Variants in OR1J2 observed in about 807,000 individuals in gnomAD.
OR1J2 encodes olfactory receptor family 1 subfamily J member 2.
For missense variants in OR1J2, 304 were observed against 246.1 expected, an observed-to-expected ratio of 1.24 and a Z score of -1.57; for synonymous variants, 142 against 99.7, an observed-to-expected ratio of 1.42 and a Z score of -2.52.
chr9:122,532,890 G>A, the OR1J2 span, among the ~76,000 whole-genome samples: 3 of 152,170 alleles, frequency 2.0e-5, no homozygotes, highest in Middle Eastern at 3.4e-3. Flanking sequence ...GAGATTAGTC[G>A]GACACGATCA....
chr9:122,496,093 A>G, the OR1J2 span, among the ~76,000 whole-genome samples: 1 of 152,186 alleles, frequency 6.6e-6, no homozygotes, highest in African/African-American at 2.4e-5. Flanking sequence ...AGGTAGTAGC[A>G]GGGAATGAAG....
the OR1J2 span, chr9:122,568,038 GC>G: frequency 6.2e-7 from 1 of 1,614,020 alleles, no homozygotes; most frequent in Non-Finnish European, 8.5e-7. Context: ...GCAGGAGAAG[GC>G]CACCAGCAGG....
chr9:122,520,768 C>G, the OR1J2 span, among the ~76,000 whole-genome samples: 1 of 152,320 alleles, frequency 6.6e-6, no homozygotes, highest in African/African-American at 2.4e-5. Flanking sequence ...AAATTTGATC[C>G]TTTTCCCATT....
chr9:122,451,412 C>G, the OR1J2 span, among the ~76,000 whole-genome samples: 23 of 151,952 alleles, frequency 1.5e-4, no homozygotes, highest in African/African-American at 5.6e-4. Context: ...CTCCAATTCC[C>G]AACCTCAGGT....
the OR1J2 span, among the ~76,000 whole-genome samples, chr9:122,562,481 G>A: frequency 6.6e-6 from 1 of 152,204 alleles, no homozygotes; most frequent in East Asian, 1.9e-4. Flanking sequence ...CTGATCTGTG[G>A]GTTGCACAGT....
At chr9:122,495,479 G>A in the OR1J2 span, among the ~76,000 whole-genome samples, 2 of 151,860 alleles carry the variant, frequency 1.3e-5, no homozygotes, top group South Asian at 4.1e-4. Context: ...TGATTCTATT[G>A]TTGAGACTTT....
the OR1J2 span, among the ~76,000 whole-genome samples, chr9:122,574,838 A>C: frequency 6.6e-5 from 10 of 152,018 alleles, no homozygotes; most frequent in African/African-American, 2.4e-4. Flanking sequence ...TTTTGGGGGT[A>C]GTTTTTTCTT....
At chr9:122,515,138 C>T (rs981723404), downstream of OR1J2, among the ~76,000 whole-genome samples, 9 of 152,260 alleles carry the variant, frequency 5.9e-5, no homozygotes, top group African/African-American at 2.2e-4. Flanking sequence ...AGACTTGTTA[C>T]CTCTCCATTT....
At chr9:122,568,456 T>C in the OR1J2 span, 1 of 1,595,878 alleles carries the variant, frequency 6.3e-7, no homozygotes, top group Admixed American at 1.7e-5. Context: ...GAGACACTGC[T>C]GGTGTGGTTG....
At chr9:122,579,324 T>C in the OR1J2 span, among the ~76,000 whole-genome samples, 1 of 152,150 alleles carries the variant, frequency 6.6e-6, no homozygotes, top group Non-Finnish European at 1.5e-5. Context: ...TTGAATACAT[T>C]GTAATTGAAT....
the OR1J2 span, among the ~76,000 whole-genome samples, chr9:122,541,978 T>C: frequency 6.6e-6 from 1 of 152,220 alleles, no homozygotes; most frequent in Non-Finnish European, 1.5e-5. Context: ...ACACTCCCTC[T>C]TGCCCCTTCT....
the OR1J2 span, chr9:122,477,879 G>T: frequency 1.9e-6 from 3 of 1,611,982 alleles, no homozygotes; most frequent in African/African-American, 4.0e-5. Flanking sequence ...GGATGGGGAG[G>T]CCCAGGAGGA....
the OR1J2 span, among the ~76,000 whole-genome samples, chr9:122,552,822 G>C: frequency 6.7e-6 from 1 of 150,364 alleles, no homozygotes. Flanking sequence ...GAGTTTGATG[G>C]AGATCATGCA....
chr9:122,448,260 A>G, the OR1J2 span, among the ~76,000 whole-genome samples: 1 of 152,342 alleles, frequency 6.6e-6, no homozygotes, highest in East Asian at 1.9e-4. Flanking sequence ...CACGTAGGCC[A>G]GATTTATGCT....
At chr9:122,450,522 C>T in the OR1J2 span, among the ~76,000 whole-genome samples, 10 of 152,170 alleles carry the variant, frequency 6.6e-5, no homozygotes, top group Non-Finnish European at 1.5e-4. Flanking sequence ...TTTCTACACA[C>T]GTACACATTA....
At chr9:122,535,964 TTTGAGCCAGG>T in the OR1J2 span, among the ~76,000 whole-genome samples, 5 of 152,004 alleles carry the variant, frequency 3.3e-5, no homozygotes, top group Admixed American at 3.3e-4. Context: ...TAGGGGAGCT[TTTGAGCCAGG>T]ATGAGCCAGG....
chr9:122,542,903 A>G, the OR1J2 span, among the ~76,000 whole-genome samples: 3 of 152,224 alleles, frequency 2.0e-5, no homozygotes, highest in Non-Finnish European at 2.9e-5. Context: ...CTTTGGCTCA[A>G]CAAAGTGTTT....
At chr9:122,503,940 G>A in the OR1J2 span, among the ~76,000 whole-genome samples, 3 of 152,134 alleles carry the variant, frequency 2.0e-5, no homozygotes, top group South Asian at 2.1e-4. Context: ...TGGCCAATCC[G>A]TCTATGAACC....
chr9:122,570,973 G>C, the OR1J2 span, among the ~76,000 whole-genome samples: 1 of 152,136 alleles, frequency 6.6e-6, no homozygotes, highest in African/African-American at 2.4e-5. Flanking sequence ...GGTCAGTAAG[G>C]AAGTGAATAA....
Sources: gnomAD v4.1 joint callset for allele counts (sites outside exome capture counted in the v4.1 genomes callset) on GRCh38, gnomAD v4.1.1 for gene constraint, MANE v1.5 for transcripts, NCBI Gene and HGNC (gene_info 2026-07-23, HGNC 2026-07-21) for gene names.